TG: variants seen among roughly 807,000 people sequenced by gnomAD.
TG encodes the protein thyroglobulin, also known as thyroid hormones.
In TG, 270 loss-of-function variants were observed where a neutral mutation model predicts 324.7. The ratio of observed to expected loss-of-function variants is 0.83; its 90% CI spans 0.75 to 0.92. The LOEUF (loss-of-function observed/expected upper bound fraction) is 0.92, where lower values mean the gene tolerates loss of function less well. TG is among the 40% of genes least tolerant of loss of function. The pLI is 0.00. For synonymous variants in TG, 1,401 were observed against 1,327.0 expected, an observed-to-expected ratio of 1.06 and a Z score of -1.21; for missense variants, 3,591 against 3,456.4, an observed-to-expected ratio of 1.04 and a Z score of -0.98.
At chr8:132,986,327 A>G (rs1002582953) in intron 35 of TG, among the ~76,000 whole-genome samples, 7 of 149,194 alleles carry the variant, frequency 4.7e-5, no homozygotes, top group East Asian at 1.9e-4. Context: ...GTGTGTGTGT[A>G]TATATATATG....
chr8:133,114,395 C>T (rs765301626), intron 44 of TG, among the ~76,000 whole-genome samples: 28 of 152,318 alleles, frequency 1.8e-4, no homozygotes, highest in Non-Finnish European at 3.1e-4. Flanking sequence ...ACGCCCCCGG[C>T]CCCAGGGGTT....
chr8:133,073,486 C>T (rs1042167302), intron 41 of TG, among the ~76,000 whole-genome samples: 26 of 152,220 alleles, frequency 1.7e-4, no homozygotes, highest in Admixed American at 1.3e-3. Context: ...TCTCGCCTCC[C>T]GAGTAGCTGG....
intron 43 of TG, among the ~76,000 whole-genome samples, chr8:133,103,501 T>TC (rs369472577): frequency 8.6e-4 from 131 of 152,072 alleles, no homozygotes; most frequent in Middle Eastern, 6.8e-3. Flanking sequence ...GACTGACTTG[T>TC]CCCCCCCAAA....
intron 26 of TG, among the ~76,000 whole-genome samples, chr8:132,947,222 C>T (rs1355980518): frequency 6.6e-6 from 1 of 152,190 alleles, no homozygotes; most frequent in African/African-American, 2.4e-5. Flanking sequence ...AGTGATTCTC[C>T]ATGGTGCTCT....
chr8:132,990,786 G>C (rs1564049220), intron 35 of TG, among the ~76,000 whole-genome samples: 1 of 152,114 alleles, frequency 6.6e-6, no homozygotes, highest in African/African-American at 2.4e-5. Context: ...CACATAACCA[G>C]TACTTTGTAG....
intron 34 of TG, among the ~76,000 whole-genome samples, chr8:132,981,077 C>A (rs550587934): frequency 6.6e-6 from 1 of 152,248 alleles, no homozygotes; most frequent in South Asian, 2.1e-4. Context: ...GCTGAGGATT[C>A]TCAGGGCTCA....
intron 41 of TG, among the ~76,000 whole-genome samples, chr8:133,036,191 T>A (rs1837107738): frequency 6.6e-6 from 1 of 152,212 alleles, no homozygotes. Flanking sequence ...CTTGGAGGCC[T>A]TTCCTAAGCC....
At chr8:132,911,872 G>A (rs1313866974) in intron 19 of TG, among the ~76,000 whole-genome samples, 1 of 152,162 alleles carries the variant, frequency 6.6e-6, no homozygotes, top group African/African-American at 2.4e-5. Context: ...TGTCTCGTCT[G>A]TTTCTAATTG....
Position 133,102,596 on chromosome 8 carries a change from A to G in TG, c.7572+6223A>G, listed in dbSNP as rs1266523903. The G allele has an allele frequency of 5.2e-6, 8 of 1,550,274 alleles. No individual in the cohort carries two copies. The South Asian group carries it at 9.5e-5, about 18-fold the overall frequency. Reference sequence around the variant, plus strand: ...GCCTGAGATGTTCTCCATTCGCAGCAAATGATCTTATTTTCTGAAGTAGCA... The same window carrying G: ...GCCTGAGATGTTCTCCATTCGCAGCGAATGATCTTATTTTCTGAAGTAGCA... On this transcript the variant is annotated intron_variant, in intron 43 of 47. Transcript: ENST00000220616.
At chr8:133,104,161 T>C (rs2131709425) in intron 43 of TG, among the ~76,000 whole-genome samples, 1 of 152,178 alleles carries the variant, frequency 6.6e-6, no homozygotes, top group Non-Finnish European at 1.5e-5. Flanking sequence ...AGGTCAGTGC[T>C]AGGAGATCCA....
At chr8:132,896,816 T>C (rs1043046640) in intron 11 of TG, among the ~76,000 whole-genome samples, 2 of 152,170 alleles carry the variant, frequency 1.3e-5, no homozygotes, top group Non-Finnish European at 2.9e-5. Flanking sequence ...TAAATGCTAG[T>C]GCGGAGGAGA....
intron 41 of TG, chr8:133,072,789 T>C (rs1844265851): frequency 6.6e-6 from 1 of 152,150 alleles, no homozygotes; most frequent in African/African-American, 2.4e-5. Flanking sequence ...CTTAGGAAAG[T>C]GTTATTCGGA....
chr8:133,131,915 A>G lies in TG; in HGVS notation c.7966A>G (p.Met2656Val), dbSNP rs1363110225. The G allele has an allele frequency of 1.2e-6, 2 of 1,614,058 alleles. No individual in the cohort carries two copies. Among genetic ancestry groups the G allele is most frequent in the African/African-American group, 2.7e-5 (2 of 74,916 alleles). ...LEEKSLSLKI[M>V]QYFSHFIRSG... is the part of the protein sequence containing the mutation. Reference sequence around the variant, plus strand: ...GGAGAAGAGCCTGTCGCTGAAAATCATGCAGTACTTTTCCCACTTCATCAG... The same window carrying G: ...GGAGAAGAGCCTGTCGCTGAAAATCGTGCAGTACTTTTCCCACTTCATCAG... Residue 2656 changes from methionine (M) to valine (V), a missense_variant, in exon 46 of 48, where the codon ATG becomes GTG. By Grantham distance (21) the Met-to-Val change is conservative. Transcript: ENST00000220616.
intron 25 of TG, among the ~76,000 whole-genome samples, chr8:132,936,632 T>G (rs1242647857): frequency 6.6e-6 from 1 of 152,150 alleles, no homozygotes; most frequent in Admixed American, 6.5e-5. Flanking sequence ...CATGTACACA[T>G]AAGGAAGTCC....
chr8:132,935,683 G>A, intron 24 of TG, 73 bp from the exon 25 acceptor site: 3 of 1,368,220 alleles, frequency 2.2e-6, no homozygotes, highest in Non-Finnish European at 3.1e-6. Flanking sequence ...CCATGGTTAG[G>A]GTTGGATGAA....
At chr8:133,089,882 A>G (rs1028491018) in intron 41 of TG, 2 of 151,744 alleles carry the variant, frequency 1.3e-5, no homozygotes, top group African/African-American at 4.8e-5. Context: ...ATGGAAACCC[A>G]CTCAAGTCCT....
At chr8:132,971,054 A>C (rs1829439709) in intron 32 of TG, among the ~76,000 whole-genome samples, 1 of 152,144 alleles carries the variant, frequency 6.6e-6, no homozygotes, top group African/African-American at 2.4e-5. Context: ...AGCTCTCAGG[A>C]GTCACGAATG....
At chr8:132,920,561 A>G (rs1820960473) in intron 21 of TG, among the ~76,000 whole-genome samples, 1 of 152,238 alleles carries the variant, frequency 6.6e-6, no homozygotes, top group Non-Finnish European at 1.5e-5. Flanking sequence ...CATCACCCTC[A>G]GTTTGTACAC....
At chr8:132,873,724 T>A (rs1219448301) in intron 5 of TG, among the ~76,000 whole-genome samples, 2 of 152,154 alleles carry the variant, frequency 1.3e-5, no homozygotes, top group African/African-American at 4.8e-5. Context: ...AAAGAACAAA[T>A]GAGCAAAAAG....
Sources: allele counts gnomAD v4.1 joint callset (sites outside exome capture counted in the v4.1 genomes callset), GRCh38; gene constraint gnomAD v4.1.1; transcripts MANE v1.5; gene names NCBI Gene and HGNC (gene_info 2026-07-23, HGNC 2026-07-21).